Variants in DEFB110 observed in about 807,000 individuals in gnomAD.
DEFB110 encodes the protein beta-defensin 110.
Under a neutral mutation model 2.5 loss-of-function variants are expected in DEFB110, and 4 were observed. That is an observed-to-expected ratio of 1.60 (90% CI 0.79 to 3.66). The LOEUF (loss-of-function observed/expected upper bound fraction) is 3.66, where lower values mean the gene tolerates loss of function less well. Ranked by LOEUF, DEFB110 falls within the 30% of genes most tolerant of loss-of-function variation. The probability of loss-of-function intolerance (pLI) is 0.01; values close to 1 mark genes in which losing one functional copy is unlikely to be tolerated. For missense variants in DEFB110, 94 were observed against 75.4 expected (o/e 1.25, Z -0.91); for synonymous variants, 29 against 21.8 (o/e 1.33, Z -0.92).
chr6:50,020,323 A>T (rs1324529), intron 1 of DEFB110, among the ~76,000 whole-genome samples: 32,652 of 151,988 alleles, frequency 0.21, 4,473 homozygotes, highest in East Asian at 0.35. Context: ...TATGTGATCT[A>T]TTCCAAGTCA....
downstream of DEFB110, chr6:50,018,747 T>C (rs1774361209): frequency 8.8e-7 from 1 of 1,134,514 alleles, no homozygotes; most frequent in Non-Finnish European, 1.1e-6. Flanking sequence ...CTTGAGGAAC[T>C]TGCATAAAAT....
chr6:50,020,838 T>C (rs1431309520), intron 1 of DEFB110, among the ~76,000 whole-genome samples: 1 of 152,186 alleles, frequency 6.6e-6, no homozygotes. Flanking sequence ...GATCATTACT[T>C]ATTCTACATT....
chr6:50,014,378 G>A (rs150610985), downstream of DEFB110, among the ~76,000 whole-genome samples: 138 of 151,804 alleles, frequency 9.1e-4, 1 homozygote, highest in Non-Finnish European at 1.0e-3. Context: ...AGAGAATAAG[G>A]CAGATTAGAA....
chr6:50,009,296 GTTA>G, intron 1 of DEFB110: 1 of 1,580,608 alleles, frequency 6.3e-7, no homozygotes, highest in Non-Finnish European at 8.5e-7. Flanking sequence ...AATATCTAAA[GTTA>G]TTAGTCTATT....
At chr6:50,009,183 A>G (rs767737294) in exon 2 of DEFB110, 8 of 1,611,100 alleles carry the variant, frequency 5.0e-6, no homozygotes, top group Non-Finnish European at 5.1e-6. Flanking sequence ...ATCCATAATC[A>G]TACTCAACAT....
Position 50,019,106 on chromosome 6 carries a change from C to G in DEFB110, c.75G>C (p.Glu25Asp). ...TILPAKKKYP[E>D]YGSLDLRREC... ...CTCTCCTCAAGTCCAAGCTACCATA[C>G]TCAGGATATTTCTTTTTGGCTGTAA... The change falls in exon 2 of 2, where the codon GAG becomes GAC. Residue 25 changes from glutamate (E) to aspartate (D), a missense_variant. Transcript: ENST00000371148. The G allele has an allele frequency of 1.2e-6, 2 of 1,612,464 alleles. No individual in the cohort carries two copies. Among genetic ancestry groups the G allele is most frequent in the Non-Finnish European group, 8.5e-7 (1 of 1,179,102 alleles).
At chr6:50,014,391 T>C (rs1774282074), downstream of DEFB110, among the ~76,000 whole-genome samples, 1 of 151,712 alleles carries the variant, frequency 6.6e-6, no homozygotes, top group African/African-American at 2.4e-5. Context: ...GATTAGAAAG[T>C]GGCTTGAAGA....
At chr6:50,013,931 A>T (rs1456141036), downstream of DEFB110, among the ~76,000 whole-genome samples, 1 of 151,878 alleles carries the variant, frequency 6.6e-6, no homozygotes, top group East Asian at 1.9e-4. Flanking sequence ...ATTATGATTA[A>T]GGAATTTGGA....
rs1015947466 is a variant in DEFB110, at chr6:50,021,336, G to A, written c.55+545C>T. Among the ~76,000 whole-genome samples, 4 of 152,124 alleles carry A rather than the reference G, an allele frequency of 2.6e-5. No homozygotes were observed. In the East Asian group the frequency reaches 7.7e-4, roughly 29 times the overall value. On this transcript the variant is annotated intron_variant, in intron 1 of 1. Coordinates refer to ENST00000371148, the MANE Select transcript of DEFB110 (RefSeq NM_001037497.2). ...GTTGTGATGAGCTAAAAGGTCTCTA[G>A]ACGTTGCCTGATGTTCCCTTGAGCA...
Position 50,021,962 on chromosome 6 carries a change from G to C in DEFB110, c.-27C>G. ...GTAGAGAGTTTCTTAAAAAAAGGGG[G>C]CAACAGACCTCCTTTTTCAAGTCAG... On this transcript the variant is annotated 5_prime_UTR_variant, in exon 1 of 2. Transcript: ENST00000371148. 1 of 1,517,470 alleles carries C rather than the reference G, an allele frequency of 6.6e-7. No individual in the cohort carries two copies. The highest frequency in any genetic ancestry group is 8.8e-7 in the Non-Finnish European group (1 of 1,138,112). 94.0% of individuals were successfully genotyped at this position (1,517,470 alleles called of 1,614,324 possible). A position where few individuals can be genotyped will look rare whatever the true frequency, so the allele number is the denominator to read the frequency against.
downstream of DEFB110, among the ~76,000 whole-genome samples, chr6:50,015,770 T>C (rs530155371): frequency 2.6e-5 from 4 of 151,884 alleles, no homozygotes; most frequent in African/African-American, 9.7e-5. Flanking sequence ...GTCCCAGTTA[T>C]ATTGTACTCT....
downstream of DEFB110, among the ~76,000 whole-genome samples, chr6:50,014,309 A>G (rs769051946): frequency 7.3e-4 from 111 of 151,918 alleles, no homozygotes; most frequent in Middle Eastern, 0.014. Flanking sequence ...AAGAGTGTAA[A>G]AGAGTTAATG....
At chr6:50,017,744 A>G (rs773412509), downstream of DEFB110, among the ~76,000 whole-genome samples, 27 of 151,912 alleles carry the variant, frequency 1.8e-4, no homozygotes, top group Non-Finnish European at 8.8e-5. Context: ...TGTTGTAGAT[A>G]ATGCTTAGTA....
chr6:50,020,979 C>T (rs1313910936), intron 1 of DEFB110, among the ~76,000 whole-genome samples: 1 of 151,992 alleles, frequency 6.6e-6, no homozygotes, highest in African/African-American at 2.4e-5. Flanking sequence ...ACTGACCCCA[C>T]CCCTTCTCTT....
At chr6:50,013,241 T>G (rs555311643) in intron 1 of DEFB110, among the ~76,000 whole-genome samples, 1 of 151,848 alleles carries the variant, frequency 6.6e-6, no homozygotes, top group Non-Finnish European at 1.5e-5. Flanking sequence ...TATATATGCT[T>G]CATTGCTTCA....
At chr6:50,015,891 T>A (rs543250799), downstream of DEFB110, among the ~76,000 whole-genome samples, 1 of 151,860 alleles carries the variant, frequency 6.6e-6, no homozygotes, top group Non-Finnish European at 1.5e-5. Flanking sequence ...TTGACATTGA[T>A]CTTTTTGGAA....
At position 50,019,963 on chromosome 6, in the gene DEFB110, T is replaced by C. The variant is rs118121111; in HGVS notation, c.56-838A>G. 6.6e-4 allele frequency among the ~76,000 whole-genome samples: 101 copies of C among 152,202 alleles called. 1 individual carries two copies. The highest frequency in any genetic ancestry group is 6.2e-3 in the East Asian group (32 of 5,174). On this transcript the variant is annotated intron_variant, in intron 1 of 1. Transcript: ENST00000371148. ...CTGCTTTTGCATTAAAATAATGCAG[T>C]TGAGATCATAGGGTTCATAAAACCT... is the stretch of plus-strand genomic sequence containing the variant.
chr6:50,018,490 C>T (rs1241361603), downstream of DEFB110, among the ~76,000 whole-genome samples: 6 of 151,938 alleles, frequency 3.9e-5, no homozygotes, highest in African/African-American at 1.2e-4. Flanking sequence ...TCAGCTCTGT[C>T]TCTCTCACAA....
At chr6:50,014,460 T>C (rs983945673), downstream of DEFB110, among the ~76,000 whole-genome samples, 4 of 151,818 alleles carry the variant, frequency 2.6e-5, no homozygotes, top group African/African-American at 9.7e-5. Context: ...TGAGAAAATT[T>C]GTGTTTACTA....
Sources: allele counts gnomAD v4.1 joint callset (sites outside exome capture counted in the v4.1 genomes callset), GRCh38; gene constraint gnomAD v4.1.1; transcripts MANE v1.5; gene names NCBI Gene and HGNC (gene_info 2026-07-23, HGNC 2026-07-21).